Variants in TSHZ2 observed in about 807,000 individuals in gnomAD.
TSHZ2 encodes the protein teashirt zinc finger homeobox 2.
Under a neutral mutation model 74.4 loss-of-function variants are expected in TSHZ2, and 21 were observed. That is an observed-to-expected ratio of 0.28 (90% CI 0.20 to 0.41). The LOEUF is 0.41. Ranked by LOEUF, TSHZ2 falls within the 10% of genes least tolerant of loss-of-function variation. The pLI is 1.00. For synonymous variants in TSHZ2, 540 were observed against 515.3 expected (o/e 1.05, Z -0.65); for missense variants, 1,244 against 1,293.5 (o/e 0.96, Z 0.59).
At chr20:53,163,802 G>A (rs1260071502) in intron 1 of TSHZ2, among the ~76,000 whole-genome samples, 1 of 152,222 alleles carries the variant, frequency 6.6e-6, no homozygotes, top group Non-Finnish European at 1.5e-5. Flanking sequence ...GATTCACTGA[G>A]CTAAGCCCCT....
intron 1 of TSHZ2, among the ~76,000 whole-genome samples, chr20:53,215,475 C>T (rs1780654): frequency 1.3e-5 from 2 of 150,510 alleles, no homozygotes; most frequent in African/African-American, 4.9e-5. Flanking sequence ...TTCCAGAGCT[C>T]CTTCAGCTAT....
At chr20:53,003,255 GGT>G (rs11468763) in intron 1 of TSHZ2, among the ~76,000 whole-genome samples, 11,075 of 139,466 alleles carry the variant, frequency 0.079, 471 homozygotes, top group African/African-American at 0.093. Flanking sequence ...CTCCAGGGAT[GGT>G]GTGTGTGTGT....
In TSHZ2 at chr20:53,342,955, CTTTTTTTTT is replaced by C. The variant is rs1175907478; in HGVS notation, c.*8+86405_*8+86413del. On this transcript the variant is annotated intron_variant, in intron 2 of 2. Coordinates refer to ENST00000371497, the MANE Select transcript of TSHZ2 (RefSeq NM_173485.6). ...TATTTCTTTTCTTTTCTTTTCTTTTCTTTTTTTTTTTTTTTTTTTTTTTTTTTTTGAGAC... is the reference window on the plus strand; with the variant it reads ...TATTTCTTTTCTTTTCTTTTCTTTTCTTTTTTTTTTTTTTTTTTTTGAGAC... 2.6e-4 allele frequency among the ~76,000 whole-genome samples: 16 copies of C among 61,236 alleles called. No homozygotes were observed. The East Asian group carries it at 5.2e-3, about 20-fold the overall frequency. The allele number at this position is 61,236 out of a possible 152,430, so 40.2% of individuals were successfully genotyped here. A position where few individuals can be genotyped will look rare whatever the true frequency, so the allele number is the denominator to read the frequency against.
chr20:53,060,736 T>A (rs1488970551), intron 1 of TSHZ2, among the ~76,000 whole-genome samples: 1 of 152,204 alleles, frequency 6.6e-6, no homozygotes, highest in Admixed American at 6.5e-5. Flanking sequence ...TGTTTTTTCA[T>A]AAAAGTGAGT....
At chr20:53,409,619 T>C (rs1982974255) in intron 2 of TSHZ2, among the ~76,000 whole-genome samples, 1 of 152,192 alleles carries the variant, frequency 6.6e-6, no homozygotes, top group African/African-American at 2.4e-5. Flanking sequence ...AATATTGGTA[T>C]GTGACACTCT....
rs10653039 is a variant in TSHZ2, at chr20:53,160,745, C to CAAAAAAAAAAAAAAAA, written c.41-92751_41-92736dup. Among the ~76,000 whole-genome samples the CAAAAAAAAAAAAAAAA allele has an allele frequency of 1.4e-3, 131 of 95,778 alleles. 5 individuals are homozygous for CAAAAAAAAAAAAAAAA. Among genetic ancestry groups the CAAAAAAAAAAAAAAAA allele is most frequent in the African/African-American group, 5.3e-3 (126 of 23,616 alleles). The allele number at this position is 95,778 out of a possible 152,430, so 62.8% of individuals were successfully genotyped here. On this transcript the variant is annotated intron_variant, in intron 1 of 2. Transcript: ENST00000371497. Reference sequence around the variant, plus strand: ...GGGTGACAGGGCAAGACTCTGTCTCCAAAAAAAAAAAAAAAAAAGACATTT... The same window carrying CAAAAAAAAAAAAAAAA: ...GGGTGACAGGGCAAGACTCTGTCTCCAAAAAAAAAAAAAAAAAAAAAAAAAAAAAAAAAAGACATTT...
intron 2 of TSHZ2, among the ~76,000 whole-genome samples, chr20:53,339,387 T>C (rs977803038): frequency 7.3e-4 from 111 of 152,122 alleles, no homozygotes; most frequent in African/African-American, 2.7e-3. Context: ...TTTCTGGTGG[T>C]CAAGGGCCAG....
chr20:53,223,922 CACACACACA>C (rs1989623494), intron 1 of TSHZ2, among the ~76,000 whole-genome samples: 2 of 147,768 alleles, frequency 1.4e-5, no homozygotes, highest in Non-Finnish European at 3.1e-5. Context: ...CACACACACA[CACACACACA>C]CCCCTAAGTT....
intron 1 of TSHZ2, among the ~76,000 whole-genome samples, chr20:53,068,735 A>G (rs1033899541): frequency 6.6e-6 from 1 of 152,222 alleles, no homozygotes; most frequent in African/African-American, 2.4e-5. Context: ...AGATTACAGT[A>G]TGGTTGGTTA....
intron 1 of TSHZ2, among the ~76,000 whole-genome samples, chr20:53,248,111 C>A (rs890555498): frequency 5.9e-5 from 9 of 152,186 alleles, no homozygotes; most frequent in Non-Finnish European, 1.0e-4. Context: ...TGCTGTGTCA[C>A]CCAGACTGCA....
intron 1 of TSHZ2, among the ~76,000 whole-genome samples, chr20:53,072,971 C>A (rs560852840): frequency 1.5e-4 from 23 of 150,954 alleles, no homozygotes; most frequent in African/African-American, 5.6e-4. Flanking sequence ...CCATCTATCC[C>A]TCCATCCATC....
rs1011699342 is a variant in TSHZ2 at position 53,340,343 on chromosome 20, A to G, written c.*8+83772A>G. 8.6e-5 allele frequency among the ~76,000 whole-genome samples: 13 copies of G among 151,868 alleles called. No individual in the cohort carries two copies. In the East Asian group the frequency reaches 1.2e-3, roughly 14 times the overall value. On this transcript the variant is annotated intron_variant, in intron 2 of 2. Transcript: ENST00000371497. ...ACTACAGGCGCCCGCCACCATGCCC[A>G]GCTAATTTTTTGTATATTTTTTAGT...
At chr20:53,262,194 A>G (rs1990615254) in intron 2 of TSHZ2, among the ~76,000 whole-genome samples, 1 of 151,304 alleles carries the variant, frequency 6.6e-6, no homozygotes, top group Non-Finnish European at 1.5e-5. Flanking sequence ...AATGATAAAC[A>G]GTTTTCCTTG....
At chr20:53,122,046 G>C (rs1986824675) in intron 1 of TSHZ2, among the ~76,000 whole-genome samples, 1 of 152,020 alleles carries the variant, frequency 6.6e-6, no homozygotes, top group Non-Finnish European at 1.5e-5. Context: ...CAGCACTTTG[G>C]GAGGCCGAAG....
At chr20:52,977,033 T>C (rs766058939) in intron 1 of TSHZ2, among the ~76,000 whole-genome samples, 5 of 152,220 alleles carry the variant, frequency 3.3e-5, no homozygotes, top group African/African-American at 4.8e-5. Context: ...AGTTGCAATT[T>C]GCACCTTAAT....
intron 1 of TSHZ2, among the ~76,000 whole-genome samples, chr20:53,039,324 G>A (rs979289153): frequency 6.6e-6 from 1 of 151,996 alleles, no homozygotes; most frequent in Non-Finnish European, 1.5e-5. Context: ...CCACACTCTT[G>A]TTGTTCTTTA....
intron 1 of TSHZ2, among the ~76,000 whole-genome samples, chr20:53,158,669 G>A (rs1397041070): frequency 6.6e-6 from 1 of 152,136 alleles, no homozygotes; most frequent in Non-Finnish European, 1.5e-5. Flanking sequence ...CTCATTGCCT[G>A]TCAGAGTGTC....
intron 1 of TSHZ2, among the ~76,000 whole-genome samples, chr20:53,226,874 A>C (rs928551136): frequency 6.6e-6 from 1 of 152,168 alleles, no homozygotes; most frequent in African/African-American, 2.4e-5. Context: ...ATCTAGATCC[A>C]GCGGTGTCTG....
chr20:53,367,747 A>AT (rs1283854259), intron 2 of TSHZ2, among the ~76,000 whole-genome samples: 6 of 151,538 alleles, frequency 4.0e-5, no homozygotes, highest in Admixed American at 6.6e-5. Context: ...AGTTTTTTGT[A>AT]TTTTTAGTAG....
Sources: gnomAD v4.1 joint callset for allele counts (sites outside exome capture counted in the v4.1 genomes callset) on GRCh38, gnomAD v4.1.1 for gene constraint, MANE v1.5 for transcripts, NCBI Gene and HGNC (gene_info 2026-07-23, HGNC 2026-07-21) for gene names.